Variants in KCND3 observed in about 807,000 individuals in gnomAD.
KCND3 encodes the protein potassium voltage-gated channel subfamily D member 3, also known as A-type voltage-gated potassium channel KCND3.
A neutral mutation model predicts 51.1 loss-of-function variants in KCND3; 9 were observed. The observed-to-expected ratio is 0.18, with a 90% CI of 0.11 to 0.31. The LOEUF is 0.31. Ranked by LOEUF, KCND3 falls within the 10% of genes least tolerant of loss-of-function variation. KCND3 has a pLI of 1.00. For synonymous variants in KCND3, 349 were observed against 368.0 expected (o/e 0.95, Z 0.59); for missense variants, 526 against 903.8 (o/e 0.58, Z 5.36).
At chr1:111,895,709 G>T (rs534970514) in intron 2 of KCND3, among the ~76,000 whole-genome samples, 1 of 152,230 alleles carries the variant, frequency 6.6e-6, no homozygotes, top group African/African-American at 2.4e-5. Context: ...CGCGCCTGCC[G>T]TGGGGAGTGG....
intron 2 of KCND3, among the ~76,000 whole-genome samples, chr1:111,957,552 A>G (rs907808705): frequency 1.3e-5 from 2 of 152,170 alleles, no homozygotes; most frequent in Non-Finnish European, 2.9e-5. Context: ...CCACAATGAT[A>G]TAAGTTTAAA....
At chr1:111,868,758 C>T (rs1036933332) in intron 2 of KCND3, among the ~76,000 whole-genome samples, 9 of 151,956 alleles carry the variant, frequency 5.9e-5, no homozygotes, top group African/African-American at 2.2e-4. Context: ...TTTTTTGAGA[C>T]AGGGCCTTGC....
At chr1:111,868,713 G>C (rs1668696761) in intron 2 of KCND3, among the ~76,000 whole-genome samples, 1 of 152,010 alleles carries the variant, frequency 6.6e-6, no homozygotes, top group Non-Finnish European at 1.5e-5. Context: ...TTTTATAATT[G>C]AAGAGACCGA....
At chr1:111,910,207 A>G (rs905249295) in intron 2 of KCND3, 2 of 152,334 alleles carry the variant, frequency 1.3e-5, no homozygotes, top group African/African-American at 2.4e-5. Flanking sequence ...ATGGCTGTTG[A>G]CTTCGCACTG....
intron 2 of KCND3, among the ~76,000 whole-genome samples, chr1:111,931,992 A>G (rs1252150800): frequency 6.6e-6 from 1 of 152,186 alleles, no homozygotes; most frequent in Non-Finnish European, 1.5e-5. Context: ...TCTGGAGATA[A>G]CAGGTCTGCA....
intron 2 of KCND3, among the ~76,000 whole-genome samples, chr1:111,837,115 C>T (rs376915498): frequency 6.6e-6 from 1 of 152,166 alleles, no homozygotes; most frequent in Non-Finnish European, 1.5e-5. Flanking sequence ...CAAAAAGTGT[C>T]CTTATCTGTA....
chr1:111,883,588 T>C (rs865991341), intron 2 of KCND3, among the ~76,000 whole-genome samples: 1 of 152,208 alleles, frequency 6.6e-6, no homozygotes, highest in African/African-American at 2.4e-5. Context: ...AACAGAGGCT[T>C]AGAGAAACAA....
chr1:111,886,015 T>A (rs931851832), intron 2 of KCND3, among the ~76,000 whole-genome samples: 1 of 152,222 alleles, frequency 6.6e-6, no homozygotes, highest in African/African-American at 2.4e-5. Context: ...TCTACTCAAG[T>A]AATGTAATTA....
chr1:111,795,253 C>T (rs1665006593), intron 2 of KCND3, among the ~76,000 whole-genome samples: 1 of 152,128 alleles, frequency 6.6e-6, no homozygotes, highest in Non-Finnish European at 1.5e-5. Context: ...GGCTCACCTG[C>T]AAAGTGAGCC....
intron 2 of KCND3, among the ~76,000 whole-genome samples, chr1:111,891,710 C>G (rs1669828732): frequency 6.6e-6 from 1 of 152,220 alleles, no homozygotes; most frequent in Admixed American, 6.5e-5. Flanking sequence ...TCACTAAATG[C>G]AGAAATTTTT....
intron 2 of KCND3, among the ~76,000 whole-genome samples, chr1:111,896,100 G>A (rs1348356232): frequency 1.3e-5 from 2 of 152,182 alleles, no homozygotes; most frequent in East Asian, 1.9e-4. Context: ...TAACAGCCCC[G>A]GGAGGCAGGT....
chr1:111,923,026 G>T (rs1671546538), intron 2 of KCND3, among the ~76,000 whole-genome samples: 1 of 152,204 alleles, frequency 6.6e-6, no homozygotes, highest in African/African-American at 2.4e-5. Flanking sequence ...CAGTGAGGAG[G>T]CCTGGTTCCA....
At chr1:111,889,403 C>T (rs1669724356) in intron 2 of KCND3, among the ~76,000 whole-genome samples, 1 of 152,228 alleles carries the variant, frequency 6.6e-6, no homozygotes, top group South Asian at 2.1e-4. Flanking sequence ...TGGCTCTGTC[C>T]TAGATGCTTA....
chr1:111,958,046 A>G (rs1413898319), intron 2 of KCND3, among the ~76,000 whole-genome samples: 2 of 152,138 alleles, frequency 1.3e-5, no homozygotes, highest in Non-Finnish European at 2.9e-5. Context: ...AGCAGGAATC[A>G]CTAGTACTTT....
At chr1:111,886,960 G>A (rs1029190125) in intron 2 of KCND3, among the ~76,000 whole-genome samples, 12 of 152,284 alleles carry the variant, frequency 7.9e-5, no homozygotes, top group African/African-American at 2.9e-4. Flanking sequence ...GAGCAGGTGG[G>A]AGAAGCCTGT....
intron 2 of KCND3, among the ~76,000 whole-genome samples, chr1:111,871,072 C>T (rs1668807593): frequency 6.6e-6 from 1 of 152,014 alleles, no homozygotes; most frequent in African/African-American, 2.4e-5. Context: ...GGAATGGGGG[C>T]ATATGTGAGG....
intron 2 of KCND3, among the ~76,000 whole-genome samples, chr1:111,881,589 G>T (rs1669322810): frequency 6.6e-6 from 1 of 152,204 alleles, no homozygotes; most frequent in South Asian, 2.1e-4. Context: ...AATGTCTCTA[G>T]GAGGGAGAAG....
chr1:111,822,953 A>G (rs1424967346), intron 2 of KCND3, among the ~76,000 whole-genome samples: 4 of 152,226 alleles, frequency 2.6e-5, no homozygotes, highest in Non-Finnish European at 5.9e-5. Flanking sequence ...TATCATTTCC[A>G]TATGATGGGA....
chr1:111,837,978 T>C (rs565267965), intron 2 of KCND3, among the ~76,000 whole-genome samples: 2 of 152,328 alleles, frequency 1.3e-5, no homozygotes, highest in African/African-American at 4.8e-5. Context: ...GTTCTCATCA[T>C]GTCATACCGA....
Sources: gnomAD v4.1 joint callset for allele counts (sites outside exome capture counted in the v4.1 genomes callset) on GRCh38, gnomAD v4.1.1 for gene constraint, MANE v1.5 for transcripts, NCBI Gene and HGNC (gene_info 2026-07-23, HGNC 2026-07-21) for gene names.